Variants in PPP2R5E observed in about 807,000 individuals in gnomAD.
PPP2R5E encodes the protein serine/threonine-protein phosphatase 2A 56 kDa regulatory subunit epsilon isoform.
A neutral mutation model predicts 65.3 loss-of-function variants in PPP2R5E; 4 were observed. The ratio of observed to expected loss-of-function variants is 0.06; its 90% confidence interval spans 0.03 to 0.14. PPP2R5E has a LOEUF of 0.14. PPP2R5E is among the 10% of genes least tolerant of loss of function. The pLI is 1.00. For missense variants in PPP2R5E, 274 were observed against 556.1 expected (o/e 0.49, Z 5.10); for synonymous variants, 183 against 187.4 (o/e 0.98, Z 0.19).
chr14:63,391,760 T>C (rs1885037745), intron 10 of PPP2R5E, 57 bp downstream of exon 10: 1 of 1,565,320 alleles, frequency 6.4e-7, no homozygotes, highest in African/African-American at 1.4e-5. Context: ...GCCCAATCCT[T>C]GGCACTCAGC....
intron 2 of PPP2R5E, among the ~76,000 whole-genome samples, chr14:63,461,358 G>T (rs1889448686): frequency 6.6e-6 from 1 of 151,134 alleles, no homozygotes; most frequent in African/African-American, 2.4e-5. Flanking sequence ...AAAAAAAGCA[G>T]TTTGTCAATT....
chr14:63,393,430 G>A (rs1885137954), intron 8 of PPP2R5E, among the ~76,000 whole-genome samples: 1 of 152,166 alleles, frequency 6.6e-6, no homozygotes, highest in African/African-American at 2.4e-5. Context: ...GAAGGCGATA[G>A]GCCCGGCGCC....
intron 3 of PPP2R5E, among the ~76,000 whole-genome samples, chr14:63,424,866 G>C (rs534474997): frequency 6.6e-6 from 1 of 152,228 alleles, no homozygotes; most frequent in East Asian, 1.9e-4. Flanking sequence ...TAGAGTTTGG[G>C]GTCTCAGAAG....
intron 2 of PPP2R5E, chr14:63,508,236 C>T (rs992745520): frequency 1.9e-4 from 184 of 985,336 alleles, no homozygotes; most frequent in Non-Finnish European, 2.2e-4. Flanking sequence ...CACACAAATG[C>T]TTTCCTCTCT....
chr14:63,538,144 G>A (rs1188764636), intron 2 of PPP2R5E, among the ~76,000 whole-genome samples: 5 of 152,082 alleles, frequency 3.3e-5, no homozygotes, highest in Non-Finnish European at 7.4e-5. Flanking sequence ...TTAGCTGGGC[G>A]TGATGGCATG....
intron 2 of PPP2R5E, among the ~76,000 whole-genome samples, chr14:63,472,553 C>G (rs534480387): frequency 6.6e-6 from 1 of 152,274 alleles, no homozygotes; most frequent in Admixed American, 6.5e-5. Context: ...AGAGTTCAAA[C>G]CTGTATTATC....
At chr14:63,484,500 G>GCATA (rs1890886389) in intron 2 of PPP2R5E, among the ~76,000 whole-genome samples, 1 of 151,862 alleles carries the variant, frequency 6.6e-6, no homozygotes, top group Admixed American at 6.6e-5. Flanking sequence ...TCTGTCTTAA[G>GCATA]CATACACTGT....
intron 11 of PPP2R5E, among the ~76,000 whole-genome samples, chr14:63,385,179 A>G (rs1349970454): frequency 6.6e-6 from 1 of 152,066 alleles, no homozygotes; most frequent in Non-Finnish European, 1.5e-5. Context: ...CACAAAAATT[A>G]GCCGGGATTG....
intron 3 of PPP2R5E, among the ~76,000 whole-genome samples, chr14:63,441,851 C>A (rs8003115): frequency 0.34 from 51,507 of 149,930 alleles, 12,205 homozygotes; most frequent in African/African-American, 0.67. Flanking sequence ...TGGAGCTTGC[C>A]GTGAGCCAAG....
intron 13 of PPP2R5E, among the ~76,000 whole-genome samples, chr14:63,379,826 C>CTCTCTTTTTTT (rs528081976): frequency 1.6e-4 from 16 of 100,280 alleles, no homozygotes; most frequent in African/African-American, 7.8e-4. Context: ...TATTCTCTCT[C>CTCTCTTTTTTT]TTTTTTTTTT....
chr14:63,397,409 G>A (rs1269481276), intron 5 of PPP2R5E, among the ~76,000 whole-genome samples: 1 of 150,192 alleles, frequency 6.7e-6, no homozygotes, highest in African/African-American at 2.5e-5. Flanking sequence ...GGCTGAGGCA[G>A]GAGAATCACC....
At chr14:63,462,233 G>A (rs1889522897) in intron 2 of PPP2R5E, among the ~76,000 whole-genome samples, 1 of 151,996 alleles carries the variant, frequency 6.6e-6, no homozygotes, top group Admixed American at 6.6e-5. Flanking sequence ...ACCTTGCCCG[G>A]CTAATTTTTT....
At chr14:63,440,520 C>CT (rs773472790) in intron 3 of PPP2R5E, among the ~76,000 whole-genome samples, 83 of 151,920 alleles carry the variant, frequency 5.5e-4, no homozygotes, top group Middle Eastern at 3.4e-3. Context: ...GGCTTTTTTA[C>CT]TTTTTTAGAA....
intron 2 of PPP2R5E, among the ~76,000 whole-genome samples, chr14:63,516,841 A>G (rs1892688656): frequency 6.6e-6 from 1 of 152,246 alleles, no homozygotes; most frequent in African/African-American, 2.4e-5. Flanking sequence ...TAACTTTGAC[A>G]GCTTCCAAAT....
rs1893961648 is a variant in PPP2R5E at position 63,542,824 on chromosome 14, G to C, written c.-53C>G. Reference sequence around the variant, plus strand: ...ATCCAAAGATGATCTGTGGCTTGGAGGGGCGGGAGACGGGCGAGGTGGCCG... The same window carrying C: ...ATCCAAAGATGATCTGTGGCTTGGACGGGCGGGAGACGGGCGAGGTGGCCG... On this transcript the variant is annotated 5_prime_UTR_variant, in exon 1 of 14. Coordinates refer to ENST00000337537, the MANE Select transcript of PPP2R5E (RefSeq NM_006246.5). The C allele has an allele frequency of 6.5e-6, 1 of 154,006 alleles. No homozygotes were observed. The highest frequency in any genetic ancestry group is 1.9e-4 in the East Asian group (1 of 5,200). The allele number at this position is 154,006 out of a possible 1,614,324, so 9.5% of individuals were successfully genotyped here. A position where few individuals can be genotyped will look rare whatever the true frequency, so the allele number is the denominator to read the frequency against.
At chr14:63,538,982 C>G (rs943169182) in intron 2 of PPP2R5E, among the ~76,000 whole-genome samples, 12 of 151,998 alleles carry the variant, frequency 7.9e-5, no homozygotes, top group African/African-American at 2.9e-4. Flanking sequence ...TCATACTAAA[C>G]AAGTATGATC....
intron 5 of PPP2R5E, among the ~76,000 whole-genome samples, chr14:63,407,029 A>G (rs1886129230): frequency 6.6e-6 from 1 of 152,264 alleles, no homozygotes; most frequent in Admixed American, 6.5e-5. Context: ...TGACACCACC[A>G]GCATAACGTT....
intron 2 of PPP2R5E, among the ~76,000 whole-genome samples, chr14:63,501,053 G>T (rs1891851532): frequency 6.6e-6 from 1 of 152,092 alleles, no homozygotes; most frequent in African/African-American, 2.4e-5. Flanking sequence ...CAAATTAAAT[G>T]ACAAGTCCAC....
At chr14:63,412,830 A>C (rs956484433) in intron 5 of PPP2R5E, among the ~76,000 whole-genome samples, 7 of 152,216 alleles carry the variant, frequency 4.6e-5, no homozygotes, top group Non-Finnish European at 1.0e-4. Context: ...TTTCAGACTT[A>C]CTATGTATGA....
Sources: allele counts gnomAD v4.1 joint callset (sites outside exome capture counted in the v4.1 genomes callset), GRCh38; gene constraint gnomAD v4.1.1; transcripts MANE v1.5; gene names NCBI Gene and HGNC (gene_info 2026-07-23, HGNC 2026-07-21).